CEP128: variants seen among roughly 807,000 people sequenced by gnomAD.
The protein encoded by CEP128 is centrosomal protein 128kDa.
Under a neutral mutation model 156.7 loss-of-function variants are expected in CEP128, and 132 were observed. The ratio of observed to expected loss-of-function variants is 0.84; its 90% CI spans 0.73 to 0.97. The LOEUF (loss-of-function observed/expected upper bound fraction) is 0.97. Among genes scored for constraint, CEP128 ranks in the 50% least tolerant of loss-of-function variants. CEP128 has a pLI of 0.00. For synonymous variants in CEP128, 469 were observed against 448.9 expected (o/e 1.04, Z -0.57); for missense variants, 1,252 against 1,281.9 (o/e 0.98, Z 0.36).
intron 19 of CEP128, among the ~76,000 whole-genome samples, chr14:80,641,157 A>G (rs2140788429): frequency 6.6e-6 from 1 of 152,282 alleles, no homozygotes; most frequent in Non-Finnish European, 1.5e-5. Context: ...TCCATAACCA[A>G]TAGTAACACA....
rs375896753 is a variant in CEP128, at chr14:80,834,349, G to C, written c.1057+1856C>G. 3.9e-5 allele frequency among the ~76,000 whole-genome samples: 6 copies of C among 152,202 alleles called. 1 individual carries two copies. Among genetic ancestry groups the C allele is most frequent in the African/African-American group, 1.4e-4 (6 of 41,546 alleles). ...GTAACACTAAAATAAGTAATGCAAC[G>C]ACATCCTTGGAATTGACAGAATTGC... On this transcript the variant is annotated intron_variant, in intron 12 of 24. Coordinates refer to ENST00000555265, the MANE Select transcript of CEP128 (RefSeq NM_152446.5).
intron 6 of CEP128, among the ~76,000 whole-genome samples, chr14:80,491,340 A>C (rs928136922): frequency 2.6e-5 from 4 of 152,180 alleles, no homozygotes; most frequent in South Asian, 2.1e-4. Flanking sequence ...TGTTGGGCGG[A>C]GGCTGCTCTG....
At chr14:80,746,667 T>G (rs1899116856) in intron 18 of CEP128, among the ~76,000 whole-genome samples, 1 of 152,218 alleles carries the variant, frequency 6.6e-6, no homozygotes, top group African/African-American at 2.4e-5. Context: ...TAAATCGTTG[T>G]GACCTTGGCT....
intron 10 of CEP128, among the ~76,000 whole-genome samples, chr14:80,839,448 C>A (rs74064591): frequency 6.6e-6 from 1 of 151,930 alleles, no homozygotes; most frequent in Non-Finnish European, 1.5e-5. Flanking sequence ...TGTATCCTGA[C>A]GGTGGTAGTG....
At chr14:80,820,151 T>C (rs192597974) in intron 13 of CEP128, among the ~76,000 whole-genome samples, 1 of 152,336 alleles carries the variant, frequency 6.6e-6, no homozygotes, top group African/African-American at 2.4e-5. Context: ...ATATATGATC[T>C]AATTTCACAA....
At chr14:80,856,509 T>C (rs953951909) in intron 9 of CEP128, among the ~76,000 whole-genome samples, 3 of 151,756 alleles carry the variant, frequency 2.0e-5, no homozygotes, top group Non-Finnish European at 4.4e-5. Flanking sequence ...CTGGGTGTAA[T>C]GGTGTGCCCC....
intron 7 of CEP128, among the ~76,000 whole-genome samples, chr14:80,897,280 A>G (rs12437260): frequency 0.49 from 75,098 of 151,818 alleles, 19,083 homozygotes; most frequent in African/African-American, 0.57. Flanking sequence ...TCCTTCTATC[A>G]TAAGATTCCT....
chr14:80,687,456 A>G (rs1201152630), intron 19 of CEP128, among the ~76,000 whole-genome samples: 1 of 152,168 alleles, frequency 6.6e-6, no homozygotes, highest in East Asian at 1.9e-4. Context: ...GCTAAAGGCC[A>G]TTATCCTAAG....
chr14:80,569,068 T>C (rs1016775267), intron 20 of CEP128, among the ~76,000 whole-genome samples: 2 of 152,186 alleles, frequency 1.3e-5, no homozygotes, highest in African/African-American at 4.8e-5. Context: ...ATGTGAGTTA[T>C]GAAAAAGAGT....
intron 19 of CEP128, among the ~76,000 whole-genome samples, chr14:80,734,846 CAA>C (rs397798792): frequency 0.032 from 1,959 of 62,086 alleles, 29 homozygotes; most frequent in African/African-American, 0.11. Flanking sequence ...GACCCCATCT[CAA>C]AAAAAAAAAA....
intron 19 of CEP128, among the ~76,000 whole-genome samples, chr14:80,701,443 A>T (rs1481066777): frequency 6.6e-6 from 1 of 152,124 alleles, no homozygotes; most frequent in African/African-American, 2.4e-5. Flanking sequence ...GTGGCTGCAG[A>T]CTACAACCAG....
chr14:80,514,077 T>A (rs1243256394), intron 23 of CEP128, among the ~76,000 whole-genome samples: 1 of 152,220 alleles, frequency 6.6e-6, no homozygotes, highest in African/African-American at 2.4e-5. Flanking sequence ...ATATTTCCTT[T>A]CTATTGATCC....
intron 13 of CEP128, among the ~76,000 whole-genome samples, chr14:80,819,313 C>T (rs1044650400): frequency 2.3e-5 from 3 of 130,222 alleles, no homozygotes; most frequent in Admixed American, 9.0e-5. Flanking sequence ...GTGGCGCAAT[C>T]TCGGCTCACT....
At chr14:80,706,535 T>A (rs1473639846) in intron 19 of CEP128, among the ~76,000 whole-genome samples, 1 of 152,096 alleles carries the variant, frequency 6.6e-6, no homozygotes, top group African/African-American at 2.4e-5. Flanking sequence ...CAAATTGCTG[T>A]TGCCCTATTA....
downstream of CEP128, among the ~76,000 whole-genome samples, chr14:80,492,054 T>C (rs191700909): frequency 2.7e-3 from 413 of 152,202 alleles, 2 homozygotes; most frequent in African/African-American, 9.3e-3. Flanking sequence ...AGTTATGCAG[T>C]ATGATCTGAT....
At chr14:80,671,296 T>G (rs1324537896) in intron 19 of CEP128, among the ~76,000 whole-genome samples, 1 of 152,188 alleles carries the variant, frequency 6.6e-6, no homozygotes, top group East Asian at 1.9e-4. Flanking sequence ...TAAGTCTTTT[T>G]GAAATAAATA....
intron 2 of CEP128, among the ~76,000 whole-genome samples, chr14:80,922,028 C>T (rs1277564740): frequency 6.6e-6 from 1 of 150,840 alleles, no homozygotes; most frequent in Non-Finnish European, 1.5e-5. Context: ...TACATTAATG[C>T]AAATGGAGTA....
rs1217042128 is a variant in CEP128 at position 80,687,407 on chromosome 14, G to A, written c.2806+55668C>T. On this transcript the variant is annotated intron_variant, in intron 19 of 24. Transcript: ENST00000555265. ...GGAATACTATGCAGCCATAAAGAACGAATAATGAAATCATGCCCTTTGAAG... is the reference window on the plus strand; with the variant it reads ...GGAATACTATGCAGCCATAAAGAACAAATAATGAAATCATGCCCTTTGAAG... Among the ~76,000 whole-genome samples the A allele has an allele frequency of 2.6e-5, 4 of 152,132 alleles. No individual in the cohort carries two copies. In the South Asian group the frequency reaches 6.2e-4, roughly 24 times the overall value.
chr14:80,853,382 G>A (rs530015291), intron 9 of CEP128, among the ~76,000 whole-genome samples: 1 of 151,724 alleles, frequency 6.6e-6, no homozygotes, highest in East Asian at 1.9e-4. Flanking sequence ...TATACACTAA[G>A]ATAGTATGTC....
Sources: allele counts gnomAD v4.1 joint callset (sites outside exome capture counted in the v4.1 genomes callset), GRCh38; gene constraint gnomAD v4.1.1; transcripts MANE v1.5; gene names NCBI Gene and HGNC (gene_info 2026-07-23, HGNC 2026-07-21).